The following FAM107B variants were observed in gnomAD, a reference collection of about 807,000 sequenced individuals.
FAM107B encodes protein FAM107B.
FAM107B carries 21 observed loss-of-function variants against 31.5 expected under a neutral mutation model. The ratio of observed to expected loss-of-function variants is 0.67; its 90% CI spans 0.47 to 0.96. The LOEUF is 0.96. Among genes scored for constraint, FAM107B ranks in the 40% least tolerant of loss-of-function variants. The probability of loss-of-function intolerance (pLI) is 0.00; values close to 1 mark genes in which losing one functional copy is unlikely to be tolerated. For synonymous variants in FAM107B, 157 were observed against 141.5 expected (o/e 1.11, Z -0.78); for missense variants, 452 against 377.1 (o/e 1.20, Z -1.64).
chr10:14,716,321 G>A (rs1358284547), intron 1 of FAM107B, among the ~76,000 whole-genome samples: 1 of 152,180 alleles, frequency 6.6e-6, no homozygotes, highest in African/African-American at 2.4e-5. Context: ...GGCTCCACTG[G>A]GTTGCGGGAT....
In FAM107B at chr10:14,584,878, T is replaced by C. The variant is rs549883577; in HGVS notation, c.470-54363A>G. ...AGGCTGGTCACAGGCCAAGTCTTCA[T>C]TTGCACAGGAGTATAACTTTGTAAC... On this transcript the variant is annotated intron_variant, in intron 2 of 4. Transcript: ENST00000181796. 2.0e-5 allele frequency among the ~76,000 whole-genome samples: 3 copies of C among 152,334 alleles called. No homozygotes were observed. The South Asian group carries it at 6.2e-4, about 32-fold the overall frequency.
At chr10:14,634,103 T>A (rs1853435987) in intron 2 of FAM107B, among the ~76,000 whole-genome samples, 1 of 152,110 alleles carries the variant, frequency 6.6e-6, no homozygotes, top group African/African-American at 2.4e-5. Context: ...TGAAACAGCT[T>A]TTAAGATTTC....
At chr10:14,595,600 A>G (rs1270151905) in intron 2 of FAM107B, among the ~76,000 whole-genome samples, 8 of 151,694 alleles carry the variant, frequency 5.3e-5, no homozygotes, top group African/African-American at 9.7e-5. Flanking sequence ...TAATTTTTAT[A>G]ATTTTAGTAG....
intron 2 of FAM107B, among the ~76,000 whole-genome samples, chr10:14,567,533 A>T (rs1222660838): frequency 6.6e-6 from 1 of 152,162 alleles, no homozygotes; most frequent in Non-Finnish European, 1.5e-5. Flanking sequence ...AGAGATCAGG[A>T]TCATAGAGAG....
chr10:14,683,817 C>T lies in FAM107B; in HGVS notation c.412-16126G>A, dbSNP rs553576636. Among the ~76,000 whole-genome samples the T allele has an allele frequency of 2.0e-5, 3 of 152,114 alleles. No individual in the cohort carries two copies. The South Asian group carries it at 6.2e-4, about 32-fold the overall frequency. On this transcript the variant is annotated intron_variant, in intron 1 of 4. Coordinates refer to ENST00000181796, the MANE Select transcript of FAM107B (RefSeq NM_031453.4). ...CAATTTTTTAAGAAAAATGTTTCTC[C>T]CAAAAATTATTTTTCATGTAACTGA...
chr10:14,742,160 G>A (rs1856455140), intron 1 of FAM107B, among the ~76,000 whole-genome samples: 1 of 152,122 alleles, frequency 6.6e-6, no homozygotes, highest in East Asian at 1.9e-4. Context: ...GGCCCAGACT[G>A]GAGTGCAGTG....
chr10:14,691,295 G>A (rs1369196678), intron 1 of FAM107B, among the ~76,000 whole-genome samples: 1 of 152,204 alleles, frequency 6.6e-6, no homozygotes, highest in East Asian at 1.9e-4. Context: ...TACTCTCAGA[G>A]TACAGAGGTT....
At chr10:14,653,561 C>T (rs1241108709) in intron 2 of FAM107B, among the ~76,000 whole-genome samples, 1 of 152,096 alleles carries the variant, frequency 6.6e-6, no homozygotes, top group Non-Finnish European at 1.5e-5. Flanking sequence ...CCTCTAAGCA[C>T]CTGTGCCATC....
intron 2 of FAM107B, among the ~76,000 whole-genome samples, chr10:14,634,670 C>G (rs894515533): frequency 5.3e-5 from 8 of 152,132 alleles, no homozygotes; most frequent in African/African-American, 9.7e-5. Context: ...CAGGAAGGGT[C>G]TACATTTGGG....
chr10:14,569,136 C>T (rs1354311284), intron 2 of FAM107B, among the ~76,000 whole-genome samples: 3 of 152,272 alleles, frequency 2.0e-5, no homozygotes, highest in South Asian at 2.1e-4. Context: ...TAATCATCCT[C>T]GTTCTGATGT....
At position 14,530,451 on chromosome 10, in the gene FAM107B, C is replaced by T. The variant is rs146739071; in HGVS notation, c.534G>A (p.Glu178=). Residue 178 remains glutamate (E), a synonymous_variant, in exon 3 of 5, where the codon GAG becomes GAA. Coordinates refer to ENST00000181796, the MANE Select transcript of FAM107B (RefSeq NM_031453.4). The stretch of plus-strand genomic sequence containing the variant: ...GATTGTCATCTTCTATGTAGTCTGG[C>T]TCGGCCATGATGCTTCTTGTAATGA... ...SYLITRSIMA[E]PDYIEDDNPE... is the part of the protein sequence containing the mutation. 1.6e-4 allele frequency: 253 copies of T among 1,613,944 alleles called. No individual in the cohort carries two copies. The highest frequency in any genetic ancestry group is 1.9e-4 in the Non-Finnish European group (225 of 1,180,014).
intron 2 of FAM107B, among the ~76,000 whole-genome samples, chr10:14,629,363 T>C (rs1281973632): frequency 3.4e-5 from 2 of 58,912 alleles, no homozygotes; most frequent in African/African-American, 6.2e-5. Context: ...ATAATATATA[T>C]TATATATTTA....
intron 1 of FAM107B, among the ~76,000 whole-genome samples, chr10:14,694,078 G>A (rs2688841): frequency 0.43 from 65,964 of 151,966 alleles, 14,813 homozygotes; most frequent in African/African-American, 0.54. Flanking sequence ...ATGATATTCC[G>A]CTGTATGTAT....
chr10:14,669,530 A>T (rs1249348406), intron 1 of FAM107B, among the ~76,000 whole-genome samples: 1 of 152,234 alleles, frequency 6.6e-6, no homozygotes, highest in Non-Finnish European at 1.5e-5. Context: ...AAATAAAGAA[A>T]ATGTGGTAAA....
chr10:14,593,090 T>A (rs1229556954), intron 2 of FAM107B, among the ~76,000 whole-genome samples: 1 of 152,206 alleles, frequency 6.6e-6, no homozygotes, highest in Non-Finnish European at 1.5e-5. Flanking sequence ...CCTGGGGTCC[T>A]ACCCAGATAA....
rs574641424 is a variant in FAM107B, at chr10:14,581,145, G to A, written c.470-50630C>T. Among the ~76,000 whole-genome samples, 78 of 152,316 alleles carry A rather than the reference G, an allele frequency of 5.1e-4. 1 individual carries two copies. Among genetic ancestry groups the A allele is most frequent in the East Asian group, 5.8e-4 (3 of 5,190 alleles). On this transcript the variant is annotated intron_variant, in intron 2 of 4. Coordinates refer to ENST00000181796, the MANE Select transcript of FAM107B (RefSeq NM_031453.4). ...AATGAGCACGCACATATCTGCAATC[G>A]GTCTGGTGCAGTGCTCGGAAGAAAA...
At chr10:14,597,467 A>C (rs1852225810) in intron 2 of FAM107B, among the ~76,000 whole-genome samples, 1 of 152,236 alleles carries the variant, frequency 6.6e-6, no homozygotes, top group African/African-American at 2.4e-5. Context: ...TTTAGGAACA[A>C]TGCCAAAACT....
intron 1 of FAM107B, among the ~76,000 whole-genome samples, chr10:14,767,047 TATATATATAGAGAGAGAGAGAGAGAG>T (rs1833185206): frequency 2.6e-5 from 1 of 38,244 alleles, no homozygotes; most frequent in African/African-American, 8.6e-5. Context: ...TATATATATA[TATATATATAGAGAGAGAGAGAGAGAG>T]AGAGAGAGAG....
intron 2 of FAM107B, chr10:14,661,557 C>T (rs1475471658): frequency 6.6e-6 from 1 of 152,240 alleles, no homozygotes; most frequent in African/African-American, 2.4e-5. Context: ...TCCTGGTTCT[C>T]AGGCCTTTGG....
Sources: gnomAD v4.1 joint callset for allele counts (sites outside exome capture counted in the v4.1 genomes callset) on GRCh38, gnomAD v4.1.1 for gene constraint, MANE v1.5 for transcripts, NCBI Gene and HGNC (gene_info 2026-07-23, HGNC 2026-07-21) for gene names.